The following DIDO1 variants were observed in gnomAD, a reference collection of about 807,000 sequenced individuals.
The protein encoded by DIDO1 is death inducer-obliterator 1, also known as death-inducer obliterator 1.
DIDO1 carries 16 observed loss-of-function variants against 99.4 expected under a neutral mutation model. That is an observed-to-expected ratio of 0.16 (90% CI 0.11 to 0.24). DIDO1 has a LOEUF of 0.24. Among genes scored for constraint, DIDO1 ranks in the 10% least tolerant of loss-of-function variants. DIDO1 has a pLI of 1.00. For missense variants in DIDO1, 2,996 were observed against 3,014.0 expected (o/e 0.99, Z 0.14); for synonymous variants, 1,366 against 1,239.1 (o/e 1.10, Z -2.15).
chr20:62,890,220 C>A (rs2064369981), intron 15 of DIDO1: 1 of 985,934 alleles, frequency 1.0e-6, no homozygotes, highest in African/African-American at 1.7e-5. Context: ...CCTCTGGGGA[C>A]TGCATGGCCA....
At chr20:62,888,793 C>A in intron 15 of DIDO1, 5 of 985,418 alleles carry the variant, frequency 5.1e-6, no homozygotes, top group Non-Finnish European at 4.8e-6. Context: ...GATGGCCTGG[C>A]CCGGGGTGAA....
chr20:62,879,121 T>TAAAC lies in DIDO1; in HGVS notation c.*111_*112insGTTT. ...ATTTACACAAAATTACAGTAATGTT[T>TAAAC]AAGTCCAGAATATTCTATCCTGAAT... On this transcript the variant is annotated 3_prime_UTR_variant, in exon 16 of 16. Transcript: ENST00000395343. This position sits in a 1 kb window ranked among gnomAD's most constrained non-coding sequence, Gnocchi z 6.3. 1.0e-6 allele frequency: 1 copy of TAAAC among 979,610 alleles called. No individual in the cohort carries two copies. Among genetic ancestry groups the TAAAC allele is most frequent in the Non-Finnish European group, 1.4e-6 (1 of 718,864 alleles). 60.7% of individuals were successfully genotyped at this position (979,610 alleles called of 1,614,324 possible).
chr20:62,919,398 G>A (rs1487024209), intron 1 of DIDO1, among the ~76,000 whole-genome samples: 1 of 152,052 alleles, frequency 6.6e-6, no homozygotes, highest in Non-Finnish European at 1.5e-5. Context: ...AAATTAGCAG[G>A]GCTTGGTGGC....
intron 1 of DIDO1, among the ~76,000 whole-genome samples, chr20:62,933,880 C>T: frequency 6.6e-6 from 1 of 152,194 alleles, no homozygotes; most frequent in East Asian, 1.9e-4. Flanking sequence ...CATTAATGTT[C>T]TTTTAAGATT....
chr20:62,917,601 C>T (rs1239897425), intron 1 of DIDO1, among the ~76,000 whole-genome samples: 1 of 152,184 alleles, frequency 6.6e-6, no homozygotes, highest in Non-Finnish European at 1.5e-5. Flanking sequence ...GCTCAATCCC[C>T]TAGGGCTGTG....
rs2064145094 is a variant in DIDO1 at position 62,878,768 on chromosome 20, G to A, written c.*465C>T. On this transcript the variant is annotated 3_prime_UTR_variant, in exon 16 of 16. Coordinates refer to ENST00000395343, the MANE Select transcript of DIDO1 (RefSeq NM_001193369.2). Reference sequence around the variant, plus strand: ...AAGGTTTGTGTTTCTCAAGACTCCAGATACAAGCTACTAAGACTTCTCCCG... The same window carrying A: ...AAGGTTTGTGTTTCTCAAGACTCCAAATACAAGCTACTAAGACTTCTCCCG... 1 of 154,358 alleles carries A rather than the reference G, an allele frequency of 6.5e-6. No homozygotes were observed. Among genetic ancestry groups the A allele is most frequent in the African/African-American group, 2.4e-5 (1 of 41,564 alleles). The allele number at this position is 154,358 out of a possible 1,614,324, so 9.6% of individuals were successfully genotyped here.
intron 6 of DIDO1, among the ~76,000 whole-genome samples, chr20:62,902,387 TGGGA>T (rs963262326): frequency 3.3e-5 from 5 of 152,204 alleles, no homozygotes; most frequent in African/African-American, 1.2e-4. Context: ...TTTTTCTAAT[TGGGA>T]GGAAGAGATT....
At chr20:62,921,775 C>G (rs1206262855) in intron 1 of DIDO1, among the ~76,000 whole-genome samples, 1 of 151,132 alleles carries the variant, frequency 6.6e-6, no homozygotes, top group Non-Finnish European at 1.5e-5. Context: ...ACTGGGACTA[C>G]AAGCATGCAC....
rs1471052138 is a variant in DIDO1, at chr20:62,914,373, G to A, written c.-166C>T. 6.6e-6 allele frequency: 1 copy of A among 152,182 alleles called. No individual in the cohort carries two copies. Among genetic ancestry groups the A allele is most frequent in the Non-Finnish European group, 1.5e-5 (1 of 68,042 alleles). 9.4% of individuals were successfully genotyped at this position (152,182 alleles called of 1,614,324 possible). Reference sequence around the variant, plus strand: ...CAGGCTTCGTATTTTCAACAACTCAGATTATCTAGAGGCTGTTCCCGTGGA... The same window carrying A: ...CAGGCTTCGTATTTTCAACAACTCAAATTATCTAGAGGCTGTTCCCGTGGA... On this transcript the variant is annotated 5_prime_UTR_variant, in exon 2 of 16. Transcript: ENST00000395343.
rs1327549608 is a variant in DIDO1, at chr20:62,914,208, A to G, written c.-3+2T>C. Reference sequence around the variant, plus strand: ...TTGCTACTAACAGTGTTGATACCTTACCTGCTCCAACACTGAAAGCTTGGA... The same window carrying G: ...TTGCTACTAACAGTGTTGATACCTTGCCTGCTCCAACACTGAAAGCTTGGA... On this transcript the variant is annotated splice_donor_variant, in intron 2 of 15. Transcript: ENST00000395343. LOFTEE classifies it low-confidence loss of function (5UTR_SPLICE). The G allele has an allele frequency of 6.6e-6, 1 of 152,206 alleles. No homozygotes were observed. The highest frequency in any genetic ancestry group is 1.5e-5 in the Non-Finnish European group (1 of 68,044). 9.4% of individuals were successfully genotyped at this position (152,206 alleles called of 1,614,324 possible).
intron 15 of DIDO1, chr20:62,889,916 G>T (rs2064363869): frequency 1.0e-6 from 1 of 985,448 alleles, no homozygotes; most frequent in Non-Finnish European, 1.2e-6. Context: ...GGCATAGGCT[G>T]AGCCCACTCC....
Position 62,879,457 on chromosome 20 carries a change from T to C in DIDO1, c.6499A>G (p.Lys2167Glu), listed in dbSNP as rs760850942. Residue 2167 changes from lysine (K) to glutamate (E), a missense_variant, in exon 16 of 16, where the codon AAG becomes GAG. Transcript: ENST00000395343. The surrounding 1 kb of genome is among the most constrained non-coding windows in gnomAD (Gnocchi z 6.3). The part of the protein sequence containing the change: ...RDREREADRG[K>E]EWDRSRERSR... Reference sequence around the variant, plus strand: ...CGCTCCCGGCTGCGGTCCCACTCCTTGCCCCGGTCGGCCTCGCGCTCTCGG... The same window carrying C: ...CGCTCCCGGCTGCGGTCCCACTCCTCGCCCCGGTCGGCCTCGCGCTCTCGG... 6.4e-7 allele frequency: 1 copy of C among 1,559,502 alleles called. No individual in the cohort carries two copies. Among genetic ancestry groups the C allele is most frequent in the South Asian group, 1.1e-5 (1 of 87,572 alleles).
At chr20:62,891,184 A>G in intron 14 of DIDO1, 29 bp from the exon 15 acceptor site, 5 of 1,612,622 alleles carry the variant, frequency 3.1e-6, no homozygotes, top group Non-Finnish European at 4.2e-6. Context: ...AAGCACTCAT[A>G]AAGAAAATGT....
chr20:62,887,675 G>A (rs1471107791), intron 15 of DIDO1: 9 of 985,196 alleles, frequency 9.1e-6, no homozygotes, highest in African/African-American at 1.7e-5. Context: ...CTGCGGTCCA[G>A]TCCTGTAAGG....
Position 62,896,435 on chromosome 20 carries a change from A to G in DIDO1, c.2055-43T>C, listed in dbSNP as rs1220473612. On this transcript the variant is annotated intron_variant, in intron 7 of 15. Transcript: ENST00000395343. This position sits in a 1 kb window ranked among gnomAD's most constrained non-coding sequence, Gnocchi z 4.4. ...AAGGAACTACATAAGACACTTGTGT[A>G]TATTAAACTTTTTGAACAGTGAGGC... is the stretch of plus-strand genomic sequence containing the variant. 5 of 1,593,358 alleles carry G rather than the reference A, an allele frequency of 3.1e-6. No individual in the cohort carries two copies. In the African/African-American group the frequency reaches 4.1e-5, roughly 13 times the overall value.
chr20:62,907,472 A>T (rs1185136019), intron 4 of DIDO1, 113 bp from the exon 5 acceptor site: 2 of 981,936 alleles, frequency 2.0e-6, no homozygotes, highest in Non-Finnish European at 3.0e-6. Flanking sequence ...TCAAAATGAG[A>T]TACTAACAGT....
chr20:62,889,750 T>C, intron 15 of DIDO1: 1 of 985,460 alleles, frequency 1.0e-6, no homozygotes, highest in Non-Finnish European at 1.2e-6. Flanking sequence ...GGCATCTCTT[T>C]ATCCCAAGTA....
At chr20:62,905,585 C>T (rs983913188) in intron 6 of DIDO1, 9 of 1,551,112 alleles carry the variant, frequency 5.8e-6, no homozygotes, top group South Asian at 2.4e-5. Context: ...GAAGAGAATA[C>T]GAATACTTAC....
intron 6 of DIDO1, among the ~76,000 whole-genome samples, chr20:62,902,563 CAT>C (rs1886365912): frequency 6.6e-6 from 1 of 152,290 alleles, no homozygotes; most frequent in South Asian, 2.1e-4. Context: ...AGAATCCCCC[CAT>C]GTATTTTTTA....
Sources: allele counts gnomAD v4.1 joint callset (sites outside exome capture counted in the v4.1 genomes callset), GRCh38; gene constraint gnomAD v4.1.1; non-coding constraint Gnocchi (gnomAD v3.1); transcripts MANE v1.5; gene names NCBI Gene and HGNC (gene_info 2026-07-23, HGNC 2026-07-21).